The following ZNF382 variants were observed in gnomAD, a reference collection of about 807,000 sequenced individuals.
ZNF382 encodes zinc finger protein 382, also known as KRAB/zinc finger suppressor protein 1.
Under a neutral mutation model 38.8 loss-of-function variants are expected in ZNF382, and 20 were observed. The observed-to-expected ratio is 0.51, with a 90% CI of 0.36 to 0.75. The LOEUF is 0.75. Ranked by LOEUF, ZNF382 falls within the 30% of genes least tolerant of loss-of-function variation. The pLI, the probability that ZNF382 is intolerant of heterozygous loss-of-function variation, is 0.00. For synonymous variants in ZNF382, 202 were observed against 223.1 expected (o/e 0.91, Z 0.84); for missense variants, 546 against 654.1 (o/e 0.83, Z 1.80).
intron 4 of ZNF382, among the ~76,000 whole-genome samples, chr19:36,625,089 AATATATATATAT>A (rs371760229): frequency 0.09 from 3,882 of 43,010 alleles, 318 homozygotes; most frequent in East Asian, 0.27. Flanking sequence ...AATGAATTTA[AATATATATATAT>A]ATATATATAT....
chr19:36,610,021 T>A lies in ZNF382; in HGVS notation c.107T>A (p.Met36Lys). The change falls in exon 3 of 5, where the codon ATG becomes AAG. Residue 36 changes from methionine to lysine, a missense_variant. Physicochemically the swap from Met to Lys is moderately conservative, Grantham distance 95. Transcript: ENST00000292928. ...PAQKALYRDV[M>K]LENYCHFVSV... ...CAGAAGGCGCTTTACAGGGATGTGA[T>A]GTTGGAAAACTATTGCCACTTCGTA... The A allele has an allele frequency of 6.2e-7, 1 of 1,613,766 alleles. No individual in the cohort carries two copies. The highest frequency in any genetic ancestry group is 2.2e-5 in the East Asian group (1 of 44,874).
In ZNF382 at chr19:36,633,395, G is replaced by A. The variant is rs1374665995; in HGVS notation, c.*5845G>A. On this transcript the variant is annotated 3_prime_UTR_variant, in exon 5 of 5. Coordinates refer to ENST00000292928, the MANE Select transcript of ZNF382 (RefSeq NM_032825.5). ...GACAATACCAAGTGCTGACAAGAAT[G>A]TGGAACAACTGGAACTCTTTCTTTT... The A allele has an allele frequency of 7.1e-6, 1 of 141,788 alleles. No homozygotes were observed. The highest frequency in any genetic ancestry group is 1.5e-5 in the Non-Finnish European group (1 of 68,010). 8.8% of individuals were successfully genotyped at this position (141,788 alleles called of 1,614,324 possible). A position where few individuals can be genotyped will look rare whatever the true frequency, so the allele number is the denominator to read the frequency against.
At position 36,630,678 on chromosome 19, in the gene ZNF382, T is replaced by C. The variant is rs1304488097; in HGVS notation, c.*3128T>C. 1 of 152,184 alleles carries C rather than the reference T, an allele frequency of 6.6e-6. No homozygotes were observed. Among genetic ancestry groups the C allele is most frequent in the East Asian group, 1.9e-4 (1 of 5,190 alleles). The allele number at this position is 152,184 out of a possible 1,614,324, so 9.4% of individuals were successfully genotyped here. A position where few individuals can be genotyped will look rare whatever the true frequency, so the allele number is the denominator to read the frequency against. On this transcript the variant is annotated 3_prime_UTR_variant, in exon 5 of 5. Coordinates refer to ENST00000292928, the MANE Select transcript of ZNF382 (RefSeq NM_032825.5). ...TATTTACATATAAGCTGCCGCTCCT[T>C]AGGAAAATTTGGTCCTGTGGTTTAT...
chr19:36,632,544 G>C lies in ZNF382; in HGVS notation c.*4994G>C, dbSNP rs2037260368. 6.6e-6 allele frequency: 1 copy of C among 152,198 alleles called. No individual in the cohort carries two copies. Among genetic ancestry groups the C allele is most frequent in the Admixed American group, 6.5e-5 (1 of 15,284 alleles). The allele number at this position is 152,198 out of a possible 1,614,324, so 9.4% of individuals were successfully genotyped here. ...TTCACTGGTTACATAGTCAAGCCAG[G>C]CTATCTAACTGGTTATGTAAGTTTA... On this transcript the variant is annotated 3_prime_UTR_variant, in exon 5 of 5. Coordinates refer to ENST00000292928, the MANE Select transcript of ZNF382 (RefSeq NM_032825.5).
chr19:36,623,995 A>G (rs2145332865), intron 4 of ZNF382, among the ~76,000 whole-genome samples: 1 of 152,134 alleles, frequency 6.6e-6, no homozygotes, highest in Non-Finnish European at 1.5e-5. Context: ...AGGCTGAGGC[A>G]GGAGAATCAC....
chr19:36,613,826 A>G (rs180889409), intron 4 of ZNF382, among the ~76,000 whole-genome samples: 30 of 152,262 alleles, frequency 2.0e-4, no homozygotes, highest in African/African-American at 7.0e-4. Flanking sequence ...CTATTCTTCT[A>G]TATGGTTATC....
intron 1 of ZNF382, chr19:36,605,653 A>G (rs2037014169): frequency 6.6e-6 from 1 of 151,948 alleles, no homozygotes; most frequent in Admixed American, 6.6e-5. Flanking sequence ...CCCCGCGCGG[A>G]GCGGGCGCTG....
chr19:36,624,894 G>A (rs184492456), intron 4 of ZNF382, among the ~76,000 whole-genome samples: 5 of 149,486 alleles, frequency 3.3e-5, no homozygotes, highest in Admixed American at 2.0e-4. Flanking sequence ...GGAAGATCCC[G>A]TCTGTGAAAA....
At position 36,629,783 on chromosome 19, in the gene ZNF382, A is replaced by C. The variant is rs1343432809; in HGVS notation, c.*2233A>C. On this transcript the variant is annotated 3_prime_UTR_variant, in exon 5 of 5. Transcript: ENST00000292928. ...ACCCCATCTCTACAAAAAATTAGCC[A>C]GGAATGGTGGCACATGCCTGTAGTC... 2 of 152,062 alleles carry C rather than the reference A, an allele frequency of 1.3e-5. No homozygotes were observed. Among genetic ancestry groups the C allele is most frequent in the Admixed American group, 1.3e-4 (2 of 15,232 alleles). The allele number at this position is 152,062 out of a possible 1,614,324, so 9.4% of individuals were successfully genotyped here. A position where few individuals can be genotyped will look rare whatever the true frequency, so the allele number is the denominator to read the frequency against.
chr19:36,615,677 A>G (rs1214546663), intron 4 of ZNF382, among the ~76,000 whole-genome samples: 2 of 152,224 alleles, frequency 1.3e-5, no homozygotes, highest in Non-Finnish European at 2.9e-5. Flanking sequence ...CAAATCAAGA[A>G]AACCTGAAAA....
At chr19:36,612,772 G>C (rs961110869) in intron 4 of ZNF382, among the ~76,000 whole-genome samples, 2 of 151,902 alleles carry the variant, frequency 1.3e-5, no homozygotes, top group African/African-American at 4.8e-5. Context: ...CAAGTGTTTT[G>C]TTTGTTTCTT....
At chr19:36,620,994 A>G (rs1473444248) in intron 4 of ZNF382, among the ~76,000 whole-genome samples, 1 of 152,036 alleles carries the variant, frequency 6.6e-6, no homozygotes, top group Non-Finnish European at 1.5e-5. Flanking sequence ...CCTGGTCTCA[A>G]GTGATGTGCC....
At position 36,627,896 on chromosome 19, in the gene ZNF382, A is replaced by AG; in HGVS notation, c.*346_*347insG. The AG allele has an allele frequency of 4.5e-6, 1 of 221,542 alleles. No individual in the cohort carries two copies. The highest frequency in any genetic ancestry group is 5.2e-5 in the Admixed American group (1 of 19,306). 13.7% of individuals were successfully genotyped at this position (221,542 alleles called of 1,614,324 possible). On this transcript the variant is annotated 3_prime_UTR_variant, in exon 5 of 5. Transcript: ENST00000292928. Reference sequence around the variant, plus strand: ...CTAGTTGGCCAACTGACTGTGGTCCATGGACTACACAGTGAGTAGAGGTTC... The same window carrying AG: ...CTAGTTGGCCAACTGACTGTGGTCCAGTGGACTACACAGTGAGTAGAGGTTC...
chr19:36,621,711 A>G (rs1024859594), intron 4 of ZNF382, among the ~76,000 whole-genome samples: 1 of 152,188 alleles, frequency 6.6e-6, no homozygotes, highest in African/African-American at 2.4e-5. Context: ...TTCAAAGTAT[A>G]CAGGAGGATA....
intron 4 of ZNF382, among the ~76,000 whole-genome samples, chr19:36,612,876 A>C (rs3111549): frequency 0.34 from 51,851 of 151,884 alleles, 9,117 homozygotes; most frequent in South Asian, 0.44. Flanking sequence ...ACTGCAACCT[A>C]TGCCTCCCGG....
intron 4 of ZNF382, among the ~76,000 whole-genome samples, chr19:36,625,272 A>ATGG (rs769838949): frequency 2.0e-5 from 3 of 151,552 alleles, no homozygotes; most frequent in Non-Finnish European, 4.4e-5. Context: ...TCTAGGGCCT[A>ATGG]GACTGTAGAC....
rs547357790 is a variant in ZNF382 at position 36,612,080 on chromosome 19, G to A, written c.232+1338G>A. ...AATTCTGACAGAAGGATAAACCCAC[G>A]TATCTCACACTCCAATCAAGATAAA... On this transcript the variant is annotated intron_variant, in intron 4 of 4. Coordinates refer to ENST00000292928, the MANE Select transcript of ZNF382 (RefSeq NM_032825.5). Among the ~76,000 whole-genome samples, 6 of 152,240 alleles carry A rather than the reference G, an allele frequency of 3.9e-5. No homozygotes were observed. In the South Asian group the frequency reaches 6.2e-4, roughly 16 times the overall value.
At chr19:36,611,824 C>T (rs1468275409) in intron 4 of ZNF382, among the ~76,000 whole-genome samples, 3 of 152,154 alleles carry the variant, frequency 2.0e-5, no homozygotes, top group Non-Finnish European at 2.9e-5. Flanking sequence ...TTCGTAGTAT[C>T]CATCCTATTA....
At chr19:36,614,567 A>G (rs905928887) in intron 4 of ZNF382, among the ~76,000 whole-genome samples, 4 of 152,152 alleles carry the variant, frequency 2.6e-5, no homozygotes, top group Non-Finnish European at 5.9e-5. Context: ...TATTTTTGGT[A>G]TAGAAATCTT....
Sources: allele counts gnomAD v4.1 joint callset (sites outside exome capture counted in the v4.1 genomes callset), GRCh38; gene constraint gnomAD v4.1.1; transcripts MANE v1.5; gene names NCBI Gene and HGNC (gene_info 2026-07-23, HGNC 2026-07-21).